MGST1: variants seen among roughly 807,000 people sequenced by gnomAD.
MGST1 encodes the protein glutathione S-transferase 12.
MGST1 carries 5 observed loss-of-function variants against 8.9 expected under a neutral mutation model. That is an observed-to-expected ratio of 0.56 (90% CI 0.29 to 1.19). MGST1 has a LOEUF of 1.19. Ranked by LOEUF, MGST1 falls within the 50% of genes most tolerant of loss-of-function variation. MGST1 has a pLI of 0.08. For missense variants in MGST1, 182 were observed against 187.4 expected (o/e 0.97, Z 0.17); for synonymous variants, 54 against 67.8 (o/e 0.80, Z 1.00).
rs188259497 is a variant in MGST1, at chr12:16,465,511, C to A, written n.482+81907C>A. 4.6e-5 allele frequency among the ~76,000 whole-genome samples: 7 copies of A among 151,920 alleles called. No individual in the cohort carries two copies. In the East Asian group the frequency reaches 1.4e-3, roughly 30 times the overall value. ...GCCTGAGCTCCGCCTCCTGTCAGAT[C>A]AGCTGCAGCATTAGGTTCTCATAGG... On this transcript the variant is annotated intron_variant and non_coding_transcript_variant, in intron 4 of 4. Transcript: ENST00000538857.
chr12:16,426,801 C>T (rs932069170), intron 1 of MGST1, among the ~76,000 whole-genome samples: 2 of 151,624 alleles, frequency 1.3e-5, no homozygotes, highest in Non-Finnish European at 2.9e-5. Context: ...AATACAAAAA[C>T]AACAACAACA....
chr12:16,433,313 T>C (rs1231114773), intron 1 of MGST1, among the ~76,000 whole-genome samples: 1 of 151,976 alleles, frequency 6.6e-6, no homozygotes, highest in African/African-American at 2.4e-5. Flanking sequence ...CTGACTCAAA[T>C]ATTAGTCTCC....
intron 4 of MGST1, among the ~76,000 whole-genome samples, chr12:16,483,509 T>C (rs1941378821): frequency 6.6e-6 from 1 of 152,208 alleles, no homozygotes; most frequent in South Asian, 2.1e-4. Flanking sequence ...ATTTCAAATA[T>C]GTTAACAACC....
In MGST1 at chr12:16,480,756, A is replaced by AT. The variant is rs769670026; in HGVS notation, n.482+97160dup. Among the ~76,000 whole-genome samples the AT allele has an allele frequency of 5.9e-5, 9 of 151,872 alleles. No homozygotes were observed. The South Asian group carries it at 6.2e-4, about 11-fold the overall frequency. On this transcript the variant is annotated intron_variant and non_coding_transcript_variant, in intron 4 of 4. Transcript: ENST00000538857. ...GGGCCACACATGGTTTCTCTCACAT[A>AT]TTTTTTTTGTTTGTTTGATTAAACC... is the stretch of plus-strand genomic sequence containing the variant.
intron 1 of MGST1, among the ~76,000 whole-genome samples, chr12:16,424,149 A>T (rs1940865249): frequency 1.3e-5 from 2 of 152,190 alleles, no homozygotes; most frequent in Non-Finnish European, 2.9e-5. Context: ...ACAATTGTAG[A>T]TGTTAAATAA....
intron 1 of MGST1, among the ~76,000 whole-genome samples, chr12:16,387,812 G>A (rs569454768): frequency 1.7e-3 from 265 of 151,812 alleles, no homozygotes; most frequent in Non-Finnish European, 2.8e-3. Context: ...GGCGTGAGCC[G>A]CCGCACCCTG....
At chr12:16,443,920 C>T (rs1941058100) in intron 4 of MGST1, among the ~76,000 whole-genome samples, 1 of 151,926 alleles carries the variant, frequency 6.6e-6, no homozygotes, top group East Asian at 1.9e-4. Flanking sequence ...TGTCACTGCC[C>T]TTTTAAGATA....
intron 4 of MGST1, among the ~76,000 whole-genome samples, chr12:16,525,504 T>C (rs1281539545): frequency 6.7e-6 from 1 of 149,674 alleles, no homozygotes; most frequent in Non-Finnish European, 1.5e-5. Context: ...TAGTATTCCA[T>C]GGTGTATATG....
At chr12:16,541,779 T>C (rs1428376994) in intron 4 of MGST1, among the ~76,000 whole-genome samples, 1 of 152,142 alleles carries the variant, frequency 6.6e-6, no homozygotes, top group African/African-American at 2.4e-5. Flanking sequence ...CTGCAAAATT[T>C]CCCTTCTTTA....
At chr12:16,379,729 C>T (rs537951534), downstream of MGST1, among the ~76,000 whole-genome samples, 2 of 152,242 alleles carry the variant, frequency 1.3e-5, no homozygotes, top group African/African-American at 4.8e-5. Flanking sequence ...ATGGTACCAG[C>T]TCCTCTTTGT....
At chr12:16,569,696 T>A (rs1295157372) in intron 4 of MGST1, among the ~76,000 whole-genome samples, 1 of 152,190 alleles carries the variant, frequency 6.6e-6, no homozygotes, top group African/African-American at 2.4e-5. Flanking sequence ...GAATCTTTTG[T>A]TGCTAGAATA....
chr12:16,495,502 AC>A (rs1941464033), intron 4 of MGST1, among the ~76,000 whole-genome samples: 1 of 152,102 alleles, frequency 6.6e-6, no homozygotes, highest in Admixed American at 6.6e-5. Context: ...AGAAATAATT[AC>A]CAATAAAATA....
intron 1 of MGST1, among the ~76,000 whole-genome samples, chr12:16,414,844 G>A (rs1389809140): frequency 6.6e-6 from 1 of 152,098 alleles, no homozygotes; most frequent in Non-Finnish European, 1.5e-5. Flanking sequence ...TTAACATGGT[G>A]AAACCCCATT....
chr12:16,530,725 A>C (rs1397634779), intron 4 of MGST1, among the ~76,000 whole-genome samples: 1 of 152,090 alleles, frequency 6.6e-6, no homozygotes, highest in Non-Finnish European at 1.5e-5. Context: ...GTAACTCTCC[A>C]TCATGGGCCA....
Position 16,589,094 on chromosome 12 carries a change from A to G in MGST1, n.483-434A>G, listed in dbSNP as rs1943412625. Among the ~76,000 whole-genome samples the G allele has an allele frequency of 6.6e-6, 1 of 152,112 alleles. No homozygotes were observed. Among genetic ancestry groups the G allele is most frequent in the South Asian group, 2.1e-4 (1 of 4,826 alleles). ...GGTCGACGTCAGGTCTGGATACCTC[A>G]CCGTGATGCAACCTGACATGCCTCT... On this transcript the variant is annotated intron_variant and non_coding_transcript_variant, in intron 4 of 4. Coordinates refer to the MGST1 transcript ENST00000538857. This position sits in a 1 kb window ranked among gnomAD's most constrained non-coding sequence, Gnocchi z 4.2.
chr12:16,490,142 A>G (rs1019538853), intron 4 of MGST1, among the ~76,000 whole-genome samples: 1 of 152,140 alleles, frequency 6.6e-6, no homozygotes, highest in African/African-American at 2.4e-5. Flanking sequence ...ATGTGCCTAT[A>G]GTCCTAGCTA....
intron 4 of MGST1, among the ~76,000 whole-genome samples, chr12:16,519,604 A>G (rs1311124287): frequency 1.3e-5 from 2 of 150,812 alleles, no homozygotes; most frequent in Non-Finnish European, 2.9e-5. Context: ...TATTGTGTAT[A>G]TCTTTTTATT....
intron 4 of MGST1, among the ~76,000 whole-genome samples, chr12:16,512,090 C>T (rs1192405953): frequency 6.6e-6 from 1 of 152,118 alleles, no homozygotes; most frequent in Non-Finnish European, 1.5e-5. Flanking sequence ...GAATAATCTA[C>T]AACTTTGTCA....
Position 16,401,045 on chromosome 12 carries a change from GT to G in MGST1, n.778+17442del. The G allele has an allele frequency of 6.3e-7, 1 of 1,591,878 alleles. No homozygotes were observed. The highest frequency in any genetic ancestry group is 8.6e-7 in the Non-Finnish European group (1 of 1,160,266). On this transcript the variant is annotated intron_variant and non_coding_transcript_variant, in intron 1 of 1. Coordinates refer to the MGST1 transcript ENST00000359720. The surrounding 1 kb of genome is among the most constrained non-coding windows in gnomAD (Gnocchi z 4.3). ...CATTTCATTCCTGTTCTTTCTGTAA[GT>G]AATGCTGCCCGAGAACCTCTTCCCA...
Sources: gnomAD v4.1 joint callset for allele counts (sites outside exome capture counted in the v4.1 genomes callset) on GRCh38, gnomAD v4.1.1 for gene constraint, Gnocchi (gnomAD v3.1) non-coding constraint, MANE v1.5 for transcripts, NCBI Gene and HGNC (gene_info 2026-07-23, HGNC 2026-07-21) for gene names.